Variants in HLCS observed in about 807,000 individuals in gnomAD.
HLCS encodes biotin--protein ligase.
A neutral mutation model predicts 75.0 loss-of-function variants in HLCS; 53 were observed. The ratio of observed to expected loss-of-function variants is 0.71; its 90% CI spans 0.57 to 0.89. The LOEUF (loss-of-function observed/expected upper bound fraction) is 0.89. Among genes scored for constraint, HLCS ranks in the 40% least tolerant of loss-of-function variants. HLCS has a pLI of 0.00. For missense variants in HLCS, 966 were observed against 1,074.0 expected, an observed-to-expected ratio of 0.90 and a Z score of 1.41; for synonymous variants, 431 against 428.6, an observed-to-expected ratio of 1.01 and a Z score of -0.07.
intron 6 of HLCS, among the ~76,000 whole-genome samples, chr21:36,869,281 C>A (rs566175526): frequency 6.6e-6 from 1 of 152,188 alleles, no homozygotes; most frequent in East Asian, 1.9e-4. Flanking sequence ...CCCGCCACCA[C>A]GCCCGGCTAA....
At chr21:36,844,229 C>T (rs2062717454) in intron 6 of HLCS, among the ~76,000 whole-genome samples, 1 of 151,894 alleles carries the variant, frequency 6.6e-6, no homozygotes, top group African/African-American at 2.4e-5. Context: ...CTCCGCAGCA[C>T]GAGGAATGAG....
chr21:36,967,865 G>A (rs147024742), upstream of HLCS, among the ~76,000 whole-genome samples: 2,367 of 151,982 alleles, frequency 0.016, 61 homozygotes, highest in African/African-American at 0.054. Context: ...GATTACAGGT[G>A]CCCGTCACCA....
At chr21:36,957,929 G>GA (rs58789618) in intron 2 of HLCS, among the ~76,000 whole-genome samples, 2,041 of 64,332 alleles carry the variant, frequency 0.032, 25 homozygotes, top group African/African-American at 0.072. Flanking sequence ...ACTGCGTCTC[G>GA]AAAAAAAAAA....
rs545969780 is a variant in HLCS, at chr21:36,893,176, T to C, written c.1892+3684A>G. Among the ~76,000 whole-genome samples the C allele has an allele frequency of 1.1e-4, 17 of 152,286 alleles. No homozygotes were observed. The South Asian group carries it at 3.5e-3, about 32-fold the overall frequency. ...ACCTCTGCCTCCAAAGTTCAAGCAATTCTCCTGCCTCAGCCTCTTGAGTAG... is the reference window on the plus strand; with the variant it reads ...ACCTCTGCCTCCAAAGTTCAAGCAACTCTCCTGCCTCAGCCTCTTGAGTAG... On this transcript the variant is annotated intron_variant, in intron 6 of 10. Coordinates refer to ENST00000674895, the MANE Select transcript of HLCS (RefSeq NM_001352514.2).
chr21:36,756,167 G>T (rs1006774316), intron 10 of HLCS, among the ~76,000 whole-genome samples: 1 of 152,000 alleles, frequency 6.6e-6, no homozygotes, highest in Non-Finnish European at 1.5e-5. Flanking sequence ...GGCCGGGCGC[G>T]GTGGCTCACA....
At chr21:36,852,087 T>C (rs1423015719) in intron 6 of HLCS, 1 of 152,172 alleles carries the variant, frequency 6.6e-6, no homozygotes, top group African/African-American at 2.4e-5. Flanking sequence ...AGATTATAAG[T>C]CAAAGTGCCA....
At chr21:36,813,597 T>C (rs1483910542) in intron 6 of HLCS, among the ~76,000 whole-genome samples, 2 of 152,208 alleles carry the variant, frequency 1.3e-5, no homozygotes, top group Admixed American at 6.5e-5. Context: ...CCAACATAAT[T>C]ACAAGTTGGA....
intron 1 of HLCS, among the ~76,000 whole-genome samples, chr21:36,962,391 T>A (rs2068346665): frequency 6.6e-6 from 1 of 152,208 alleles, no homozygotes; most frequent in African/African-American, 2.4e-5. Flanking sequence ...ACAGCTTTAA[T>A]ATCTCTAGAC....
At chr21:36,823,610 G>GGGGTGTGTGTGTGTGTGTGT (rs372824950) in intron 6 of HLCS, among the ~76,000 whole-genome samples, 25 of 132,726 alleles carry the variant, frequency 1.9e-4, no homozygotes, top group South Asian at 2.8e-4. Context: ...AAACGTGCAG[G>GGGGTGTGTGTGTGTGTGTGT]GTGTGTGTGT....
chr21:36,841,485 G>A (rs2062612519), intron 6 of HLCS, among the ~76,000 whole-genome samples: 1 of 152,236 alleles, frequency 6.6e-6, no homozygotes, highest in Non-Finnish European at 1.5e-5. Context: ...ACGTGATCTA[G>A]AAGCCACATA....
chr21:36,934,237 G>A (rs570713651), intron 4 of HLCS, among the ~76,000 whole-genome samples: 3 of 152,134 alleles, frequency 2.0e-5, no homozygotes, highest in Admixed American at 6.5e-5. Context: ...ACCGAAAACC[G>A]GAACTAAAAA....
chr21:36,821,854 A>C (rs1344774296), intron 6 of HLCS, among the ~76,000 whole-genome samples: 4 of 152,068 alleles, frequency 2.6e-5, no homozygotes, highest in Non-Finnish European at 5.9e-5. Context: ...TTAAAATGAG[A>C]CTTGTGGCTA....
chr21:36,865,032 T>C lies in HLCS; in HGVS notation c.1892+31828A>G, dbSNP rs574571089. ...TTTCATGTTGCCCTGTCTGCCACCC[T>C]AGAGGCTGCTCCGTCTCAGACAGGC... On this transcript the variant is annotated intron_variant, in intron 6 of 10. Coordinates refer to ENST00000674895, the MANE Select transcript of HLCS (RefSeq NM_001352514.2). Among the ~76,000 whole-genome samples the C allele has an allele frequency of 6.6e-5, 10 of 151,910 alleles. No homozygotes were observed. In the South Asian group the frequency reaches 1.9e-3, roughly 28 times the overall value.
intron 5 of HLCS, among the ~76,000 whole-genome samples, chr21:36,922,266 A>G (rs1439478881): frequency 6.6e-6 from 1 of 152,230 alleles, no homozygotes; most frequent in African/African-American, 2.4e-5. Flanking sequence ...TGACAAGTAA[A>G]AAGTATGTAC....
chr21:36,986,629 G>GCTCAGGTGATCCACCCGAC (rs952639214), intron 1 of HLCS: 3 of 152,220 alleles, frequency 2.0e-5, no homozygotes, highest in Non-Finnish European at 2.9e-5. Context: ...TGTTGGTCAG[G>GCTCAGGTGATCCACCCGAC]CTCAGGTGAT....
chr21:36,767,954 C>A (rs1286819486), intron 6 of HLCS, among the ~76,000 whole-genome samples: 1 of 152,146 alleles, frequency 6.6e-6, no homozygotes, highest in Non-Finnish European at 1.5e-5. Context: ...AAGGGCATTA[C>A]ATCCCCACCA....
At chr21:36,765,913 T>C (rs911394984) in intron 7 of HLCS, among the ~76,000 whole-genome samples, 15 of 152,156 alleles carry the variant, frequency 9.9e-5, no homozygotes, top group Admixed American at 9.8e-4. Context: ...TCCCAAAGTG[T>C]TGGGATTACA....
At chr21:36,776,562 GCACCAC>G (rs1177206769) in intron 6 of HLCS, among the ~76,000 whole-genome samples, 4 of 152,118 alleles carry the variant, frequency 2.6e-5, no homozygotes, top group Admixed American at 2.6e-4. Context: ...TTACAGGCGT[GCACCAC>G]CATGCCCGGC....
intron 6 of HLCS, among the ~76,000 whole-genome samples, chr21:36,784,567 C>T (rs2145851084): frequency 6.6e-6 from 1 of 152,218 alleles, no homozygotes; most frequent in African/African-American, 2.4e-5. Flanking sequence ...CCACCCACCT[C>T]AGCTTCCGAA....
Sources: allele counts gnomAD v4.1 joint callset (sites outside exome capture counted in the v4.1 genomes callset), GRCh38; gene constraint gnomAD v4.1.1; transcripts MANE v1.5; gene names NCBI Gene and HGNC (gene_info 2026-07-23, HGNC 2026-07-21).